HERPUD2: variants seen among roughly 807,000 people sequenced by gnomAD.
HERPUD2 encodes homocysteine-responsive endoplasmic reticulum-resident ubiquitin-like domain member 2 protein.
A neutral mutation model predicts 49.9 loss-of-function variants in HERPUD2; 13 were observed. That is an observed-to-expected ratio of 0.26 (90% confidence interval 0.17 to 0.41). The LOEUF (loss-of-function observed/expected upper bound fraction) is 0.41. Ranked by LOEUF, HERPUD2 falls within the 10% of genes least tolerant of loss-of-function variation. HERPUD2 has a pLI of 1.00. For synonymous variants in HERPUD2, 172 were observed against 171.4 expected, an observed-to-expected ratio of 1.00 and a Z score of -0.03; for missense variants, 449 against 492.2, an observed-to-expected ratio of 0.91 and a Z score of 0.83.
intron 2 of HERPUD2, among the ~76,000 whole-genome samples, chr7:35,687,163 T>TC (rs1297032672): frequency 6.6e-6 from 1 of 152,184 alleles, no homozygotes. Flanking sequence ...AAAAGTTCAT[T>TC]CGTTTCTCAA....
At chr7:35,656,254 G>C (rs190095735) in intron 5 of HERPUD2, among the ~76,000 whole-genome samples, 17 of 151,852 alleles carry the variant, frequency 1.1e-4, no homozygotes, top group Admixed American at 9.8e-4. Flanking sequence ...AAAATACTTA[G>C]GAATAAATTT....
In HERPUD2 at chr7:35,694,181, T is replaced by C; in HGVS notation, c.147+3A>G. Reference sequence around the variant, plus strand: ...CAGCTGCCCCCAGCTTTTACACACTTACTGGTTTGCTAGGGTAAACGTTAG... The same window carrying C: ...CAGCTGCCCCCAGCTTTTACACACTCACTGGTTTGCTAGGGTAAACGTTAG... On this transcript the variant is annotated splice_donor_region_variant and intron_variant, in intron 2 of 8. Transcript: ENST00000311350. 1 of 1,614,126 alleles carries C rather than the reference T, an allele frequency of 6.2e-7. No homozygotes were observed. The highest frequency in any genetic ancestry group is 8.5e-7 in the Non-Finnish European group (1 of 1,179,984).
intron 2 of HERPUD2, among the ~76,000 whole-genome samples, chr7:35,692,053 A>C (rs1410736618): frequency 2.6e-5 from 4 of 152,238 alleles, no homozygotes; most frequent in Admixed American, 6.5e-5. Context: ...GGAGAAAAAA[A>C]GGTTTGCCAT....
intron 3 of HERPUD2, among the ~76,000 whole-genome samples, chr7:35,671,216 T>G (rs919837214): frequency 6.6e-6 from 1 of 152,090 alleles, no homozygotes; most frequent in African/African-American, 2.4e-5. Context: ...CAAGAAAGGG[T>G]ACAACAGGCC....
At chr7:35,637,172 T>A (rs28371397) in intron 6 of HERPUD2, among the ~76,000 whole-genome samples, 4,439 of 121,092 alleles carry the variant, frequency 0.037, 95 homozygotes, top group East Asian at 0.065. Flanking sequence ...GATAGATAGA[T>A]AGATAGATAG....
rs112174953 is a variant in HERPUD2, at chr7:35,665,583, C to T, written c.494+1851G>A. ...GCGCTTCCCAGGTGAGGCGATGCCC[C>T]GCCCTGCTCCATGGGCTGCACCTAT... On this transcript the variant is annotated intron_variant, in intron 5 of 8. Coordinates refer to ENST00000311350, the MANE Select transcript of HERPUD2 (RefSeq NM_022373.5). Among the ~76,000 whole-genome samples the T allele has an allele frequency of 2.8e-4, 42 of 152,308 alleles. 1 individual carries two copies. Among genetic ancestry groups the T allele is most frequent in the South Asian group, 6.2e-4 (3 of 4,826 alleles).
rs578098269 is a variant in HERPUD2 at position 35,692,525 on chromosome 7, T to C, written c.147+1659A>G. ...AACTAATCATATGCAACAGGAAATC[T>C]TTTGTAATCAAGGTATTTTCAAACA... On this transcript the variant is annotated intron_variant, in intron 2 of 8. Coordinates refer to ENST00000311350, the MANE Select transcript of HERPUD2 (RefSeq NM_022373.5). Among the ~76,000 whole-genome samples the C allele has an allele frequency of 7.2e-5, 11 of 152,348 alleles. No homozygotes were observed. The South Asian group carries it at 2.3e-3, about 32-fold the overall frequency.
Position 35,660,678 on chromosome 7 carries a change from T to C in HERPUD2, c.494+6756A>G, listed in dbSNP as rs532615524. On this transcript the variant is annotated intron_variant, in intron 5 of 8. Transcript: ENST00000311350. ...TCTATTGGCTGCATAAATGTCTTCT[T>C]TTGAGAAGTGCCTGTTCATATACTT... Among the ~76,000 whole-genome samples, 5 of 152,370 alleles carry C rather than the reference T, an allele frequency of 3.3e-5. No homozygotes were observed. In the East Asian group the frequency reaches 9.6e-4, roughly 29 times the overall value.
intron 2 of HERPUD2, among the ~76,000 whole-genome samples, chr7:35,674,608 A>G (rs1413973266): frequency 1.3e-5 from 2 of 151,866 alleles, no homozygotes; most frequent in Non-Finnish European, 2.9e-5. Flanking sequence ...GGGGGACCCT[A>G]CAATTTAACA....
chr7:35,647,453 G>C (rs991388342), intron 5 of HERPUD2, among the ~76,000 whole-genome samples: 27 of 152,256 alleles, frequency 1.8e-4, no homozygotes, highest in African/African-American at 6.5e-4. Flanking sequence ...CCTCTCCTGA[G>C]TGCCTAGTAC....
chr7:35,639,119 C>G (rs901842652), intron 5 of HERPUD2, among the ~76,000 whole-genome samples: 3 of 151,756 alleles, frequency 2.0e-5, no homozygotes, highest in Non-Finnish European at 4.4e-5. Flanking sequence ...ACCTCTGCCT[C>G]CTGGATTCAA....
In HERPUD2 at chr7:35,682,347, G is replaced by A. The variant is rs1562686280; in HGVS notation, c.148-9069C>T. The stretch of plus-strand genomic sequence containing the variant: ...CACACGTGTGTGTGTGTGTGTGTGT[G>A]TGTGTGTGTGTATATATATATATAT... On this transcript the variant is annotated intron_variant, in intron 2 of 8. Transcript: ENST00000311350. Among the ~76,000 whole-genome samples the A allele has an allele frequency of 6.5e-3, 191 of 29,162 alleles. 25 individuals carry two copies. Among genetic ancestry groups the A allele is most frequent in the African/African-American group, 9.0e-3 (79 of 8,804 alleles). The allele number at this position is 29,162 out of a possible 152,430, so 19.1% of individuals were successfully genotyped here.
chr7:35,655,071 C>T (rs1031234298), intron 5 of HERPUD2, among the ~76,000 whole-genome samples: 6 of 152,030 alleles, frequency 3.9e-5, no homozygotes, highest in African/African-American at 9.7e-5. Flanking sequence ...AGGCTGGTCT[C>T]AAAACTTCTG....
intron 5 of HERPUD2, among the ~76,000 whole-genome samples, chr7:35,660,838 C>A (rs1342753823): frequency 1.3e-5 from 2 of 152,182 alleles, no homozygotes; most frequent in Non-Finnish European, 2.9e-5. Flanking sequence ...TGCCTGTTCA[C>A]TCTGATGGTA....
Position 35,670,252 on chromosome 7 carries a change from C to T in HERPUD2, c.302G>A (p.Arg101Lys), listed in dbSNP as rs773667301. 1.9e-6 allele frequency: 3 copies of T among 1,587,086 alleles called. No individual in the cohort carries two copies. The South Asian group carries it at 3.4e-5, about 18-fold the overall frequency. The change falls in exon 4 of 9, where the codon AGA (arginine) becomes AAA (lysine). Residue 101 changes from arginine (R) to lysine (K), a missense_variant. Transcript: ENST00000311350. ...PPSSPKSSTN[R>K]ESHEALASSS... is the part of the protein sequence containing the mutation. ...GGATGCCAATGCTTCATGACTTTCTCTATTGGTGCTGGATTTTGGAGAACT... is the reference window on the plus strand; with the variant it reads ...GGATGCCAATGCTTCATGACTTTCTTTATTGGTGCTGGATTTTGGAGAACT...
At chr7:35,692,476 A>G (rs147868498) in intron 2 of HERPUD2, among the ~76,000 whole-genome samples, 2 of 152,342 alleles carry the variant, frequency 1.3e-5, no homozygotes, top group Admixed American at 1.3e-4. Flanking sequence ...CTAAAAACCT[A>G]TTTTCCACTT....
intron 2 of HERPUD2, among the ~76,000 whole-genome samples, chr7:35,674,646 T>C (rs1785721493): frequency 6.6e-6 from 1 of 151,694 alleles, no homozygotes. Context: ...ATTAGAAGGT[T>C]GCAACTTTCA....
chr7:35,654,911 G>C (rs778726087), intron 5 of HERPUD2, among the ~76,000 whole-genome samples: 2 of 152,154 alleles, frequency 1.3e-5, no homozygotes, highest in Non-Finnish European at 2.9e-5. Flanking sequence ...CTGAAGTGCA[G>C]TGGCGCAATC....
intron 5 of HERPUD2, among the ~76,000 whole-genome samples, chr7:35,663,044 T>C (rs933121244): frequency 6.6e-6 from 1 of 152,234 alleles, no homozygotes; most frequent in Non-Finnish European, 1.5e-5. Flanking sequence ...GTATTAAATG[T>C]GTCCCAGAGA....
Sources: gnomAD v4.1 joint callset for allele counts (sites outside exome capture counted in the v4.1 genomes callset) on GRCh38, gnomAD v4.1.1 for gene constraint, MANE v1.5 for transcripts, NCBI Gene and HGNC (gene_info 2026-07-23, HGNC 2026-07-21) for gene names.